The following OARD1 variants were observed in gnomAD, a reference collection of about 807,000 sequenced individuals.
OARD1 encodes the protein O-acyl-ADP-ribose deacylase 1.
A neutral mutation model predicts 19.7 loss-of-function variants in OARD1; 19 were observed. The ratio of observed to expected loss-of-function variants is 0.96; its 90% confidence interval spans 0.67 to 1.41. The LOEUF (loss-of-function observed/expected upper bound fraction) is 1.41. Among genes scored for constraint, OARD1 ranks in the 40% most tolerant of loss-of-function variants. The pLI is 0.00. For missense variants in OARD1, 190 were observed against 183.8 expected, an observed-to-expected ratio of 1.03 and a Z score of -0.20; for synonymous variants, 70 against 61.8, an observed-to-expected ratio of 1.13 and a Z score of -0.62.
At position 41,072,282 on chromosome 6, in the gene OARD1, G is replaced by C. The variant is rs1763485945; in HGVS notation, c.-88C>G. On this transcript the variant is annotated 5_prime_UTR_variant, in exon 1 of 6. Coordinates refer to ENST00000424266, the MANE Select transcript of OARD1 (RefSeq NM_001329686.2). ...CGCAGTCTGTCCTGGGGTCCTATGG[G>C]AGGGTGCGGGGAGGCTCGCTCAAAG... 2 of 152,428 alleles carry C rather than the reference G, an allele frequency of 1.3e-5. 1 individual carries two copies. The highest frequency in any genetic ancestry group is 4.1e-4 in the South Asian group (2 of 4,862). 9.4% of individuals were successfully genotyped at this position (152,428 alleles called of 1,614,324 possible).
intron 1 of OARD1, among the ~76,000 whole-genome samples, chr6:41,082,803 GAGAT>G (rs1490252763): frequency 2.6e-5 from 4 of 152,216 alleles, no homozygotes; most frequent in Admixed American, 6.5e-5. Flanking sequence ...ATAAGGGAAA[GAGAT>G]AGCATGAGAG....
chr6:41,071,550 T>C, intron 2 of OARD1, 46 bp downstream of exon 2: 2 of 1,489,266 alleles, frequency 1.3e-6, no homozygotes, highest in East Asian at 2.3e-5. Context: ...TTGACCTCCA[T>C]TATTACGAAT....
chr6:41,093,203 T>C, intron 1 of OARD1: 1 of 831,668 alleles, frequency 1.2e-6, no homozygotes, highest in Non-Finnish European at 1.8e-6. Flanking sequence ...GTTAGATACT[T>C]GTTGTCTCTT....
At chr6:41,091,372 C>T (rs1764193725) in intron 1 of OARD1, among the ~76,000 whole-genome samples, 1 of 152,192 alleles carries the variant, frequency 6.6e-6, no homozygotes, top group Non-Finnish European at 1.5e-5. Context: ...ATATAGCACA[C>T]CACAGTGGGA....
At chr6:41,089,335 G>A (rs762692618) in intron 1 of OARD1, among the ~76,000 whole-genome samples, 13 of 152,152 alleles carry the variant, frequency 8.5e-5, no homozygotes, top group Non-Finnish European at 1.8e-4. Context: ...TCATACCACT[G>A]CTATCTTTCA....
At chr6:41,097,517 C>T (rs939377483) in intron 1 of OARD1, 2 of 1,194,434 alleles carry the variant, frequency 1.7e-6, no homozygotes, top group Non-Finnish European at 2.4e-6. Context: ...CCCTTTACTA[C>T]AGGACAGAAA....
Position 41,065,160 on chromosome 6 carries a change from A to G in OARD1, c.*2175T>C, listed in dbSNP as rs1229209965. On this transcript the variant is annotated 3_prime_UTR_variant, in exon 6 of 6. Transcript: ENST00000424266. ...AGTCCCAGAATTCCACTTACAGCCA[A>G]TCCTGAATGAGACTAGGTTTTGTCT... 1 of 152,244 alleles carries G rather than the reference A, an allele frequency of 6.6e-6. No homozygotes were observed. Among genetic ancestry groups the G allele is most frequent in the African/African-American group, 2.4e-5 (1 of 41,470 alleles). The allele number at this position is 152,244 out of a possible 1,614,324, so 9.4% of individuals were successfully genotyped here.
rs151298536 is a variant in OARD1, at chr6:41,071,241, C to T, written c.75G>A (p.Pro25=). Residue 25 remains proline, a synonymous_variant, in exon 3 of 6, where the codon CCG becomes CCA. Coordinates refer to ENST00000424266, the MANE Select transcript of OARD1 (RefSeq NM_001329686.2). ...TACAGTGGGCTAAAGAGTCTGTTTT[C>T]GGGCATGCAAAAAGGTCTCCTTTCA... The part of the protein sequence containing the change: ...TYVKGDLFAC[P]KTDSLAHCIS... 1,240 of 1,613,840 alleles carry T rather than the reference C, an allele frequency of 7.7e-4. No homozygotes were observed. Among genetic ancestry groups the T allele is most frequent in the Non-Finnish European group, 9.6e-4 (1,136 of 1,179,910 alleles).
chr6:41,081,711 C>G (rs1038291676), intron 1 of OARD1, among the ~76,000 whole-genome samples: 2 of 150,304 alleles, frequency 1.3e-5, no homozygotes, highest in Admixed American at 6.6e-5. Context: ...TCTTGTTAAT[C>G]TCTTGTTAAC....
rs372617775 is a variant in OARD1, at chr6:41,084,129, C to T, written c.-41-12454G>A. 785 of 1,614,154 alleles carry T rather than the reference C, an allele frequency of 4.9e-4. 8 individuals are homozygous for T. In the South Asian group the frequency reaches 7.9e-3, roughly 16 times the overall value. On this transcript the variant is annotated intron_variant, in intron 1 of 4. Coordinates refer to the OARD1 transcript ENST00000480585. ...GCCAACCCATCATGGTCCAGGCTGT[C>T]CCTGGTGGACAAGGTCAAACCATCA...
At chr6:41,067,715 G>T (rs964284882) in intron 5 of OARD1, among the ~76,000 whole-genome samples, 8 of 152,288 alleles carry the variant, frequency 5.3e-5, no homozygotes, top group African/African-American at 1.9e-4. Flanking sequence ...TAACTGTCAT[G>T]ACATTAGAGA....
chr6:41,081,347 G>A (rs947255841), intron 1 of OARD1, among the ~76,000 whole-genome samples: 13 of 152,072 alleles, frequency 8.5e-5, no homozygotes, highest in Non-Finnish European at 1.5e-4. Context: ...AAAATTAGCC[G>A]GGCATGGTGG....
upstream of OARD1, among the ~76,000 whole-genome samples, chr6:41,073,751 G>A (rs915247430): frequency 3.9e-5 from 6 of 152,116 alleles, no homozygotes; most frequent in Non-Finnish European, 8.8e-5. Context: ...GGGAGAGGGG[G>A]CCGTTAGTTC....
upstream of OARD1, among the ~76,000 whole-genome samples, chr6:41,072,773 G>A (rs1267701043): frequency 6.6e-6 from 1 of 152,234 alleles, no homozygotes; most frequent in Admixed American, 6.5e-5. Flanking sequence ...TGGCGCGTCT[G>A]GAAAGCGCCT....
At chr6:41,080,950 A>T in intron 1 of OARD1, 1 of 1,395,454 alleles carries the variant, frequency 7.2e-7, no homozygotes, top group East Asian at 2.3e-5. Context: ...TCCTCTCCTC[A>T]TGTCTGGTGC....
intron 1 of OARD1, chr6:41,079,061 A>T: frequency 1.2e-6 from 2 of 1,608,638 alleles, no homozygotes; most frequent in Non-Finnish European, 1.7e-6. Context: ...GGATCTCCAG[A>T]GTGGACAGGA....
At chr6:41,067,737 T>A (rs1206677691) in intron 5 of OARD1, among the ~76,000 whole-genome samples, 1 of 152,242 alleles carries the variant, frequency 6.6e-6, no homozygotes, top group African/African-American at 2.4e-5. Context: ...TCATTATCCC[T>A]CTATGACTAC....
At chr6:41,088,073 C>T (rs1340241626) in intron 1 of OARD1, among the ~76,000 whole-genome samples, 1 of 152,138 alleles carries the variant, frequency 6.6e-6, no homozygotes, top group East Asian at 1.9e-4. Flanking sequence ...GTCACATTGC[C>T]TTAATTATCT....
upstream of OARD1, among the ~76,000 whole-genome samples, chr6:41,074,090 A>G (rs4140578): frequency 0.39 from 59,776 of 152,040 alleles, 12,393 homozygotes; most frequent in African/African-American, 0.52. Flanking sequence ...CCTTGGGAAT[A>G]TAGTACAGTT....
Sources: gnomAD v4.1 joint callset for allele counts (sites outside exome capture counted in the v4.1 genomes callset) on GRCh38, gnomAD v4.1.1 for gene constraint, MANE v1.5 for transcripts, NCBI Gene and HGNC (gene_info 2026-07-23, HGNC 2026-07-21) for gene names.